TRAPPC4: variants seen among roughly 807,000 people sequenced by gnomAD.
The protein encoded by TRAPPC4 is trafficking protein particle complex subunit 4, also known as TRS23 homolog.
Under a neutral mutation model 23.5 loss-of-function variants are expected in TRAPPC4, and 30 were observed. That is an observed-to-expected ratio of 1.28 (90% CI 0.96 to 1.73). TRAPPC4 has a LOEUF of 1.73. TRAPPC4 is among the 40% of genes most tolerant of loss of function. The pLI, the probability that TRAPPC4 is intolerant of heterozygous loss-of-function variation, is 0.00. For missense variants in TRAPPC4, 252 were observed against 268.9 expected, an observed-to-expected ratio of 0.94 and a Z score of 0.44; for synonymous variants, 129 against 105.3, an observed-to-expected ratio of 1.23 and a Z score of -1.38.
intron 4 of TRAPPC4, 182 bp from the exon 5 acceptor site, chr11:119,023,139 A>T: frequency 2.0e-6 from 1 of 488,428 alleles, no homozygotes; most frequent in Non-Finnish European, 3.8e-6. Flanking sequence ...TAATTTTTGT[A>T]TTTTTAGTAG....
chr11:119,020,237 C>T lies in TRAPPC4; in HGVS notation c.438C>T (p.Cys146=), dbSNP rs1232520581. 1.2e-6 allele frequency: 2 copies of T among 1,612,814 alleles called. No homozygotes were observed. Among genetic ancestry groups the T allele is most frequent in the African/African-American group, 2.7e-5 (2 of 74,894 alleles). ...AGACAGACACATTCAAATTGCACTG[C>T]TACCAGACACTGACAGGTATGCATC... is the stretch of plus-strand genomic sequence containing the variant. ...MLETDTFKLH[C]YQTLTGIKFV... The change falls in exon 3 of 5, where the codon TGC becomes TGT. Residue 146 remains cysteine (C), a synonymous_variant. Coordinates refer to ENST00000533632, the MANE Select transcript of TRAPPC4 (RefSeq NM_016146.6).
In TRAPPC4 at chr11:119,021,797, T is replaced by A; in HGVS notation, c.492T>A (p.Ala164=). The change falls in exon 4 of 5, where the codon GCT becomes GCA. Residue 164 remains alanine, a synonymous_variant. Coordinates refer to ENST00000533632, the MANE Select transcript of TRAPPC4 (RefSeq NM_016146.6). ...TGGTTCTAGCAGATCCTAGGCAAGC[T>A]GGAATAGATTCTCTTCTCCGAAAGA... ...KFVVLADPRQ[A]GIDSLLRKIY... 6.2e-7 allele frequency: 1 copy of A among 1,614,168 alleles called. No individual in the cohort carries two copies. Among genetic ancestry groups the A allele is most frequent in the Non-Finnish European group, 8.5e-7 (1 of 1,180,022 alleles).
intron 3 of TRAPPC4, chr11:119,020,563 C>T (rs1476993243): frequency 2.1e-5 from 5 of 239,452 alleles, no homozygotes; most frequent in South Asian, 5.4e-5. Flanking sequence ...TCACCACACC[C>T]GGCTAATTTT....
At chr11:119,023,055 T>G (rs1274001633) in intron 4 of TRAPPC4, 1 of 241,780 alleles carries the variant, frequency 4.1e-6, no homozygotes, top group South Asian at 6.1e-5. Context: ...ACCTCTGCCT[T>G]CCGGGTTCAG....
Position 119,020,156 on chromosome 11 carries a change from T to C in TRAPPC4, c.357T>C (p.Phe119=). 1 of 1,613,668 alleles carries C rather than the reference T, an allele frequency of 6.2e-7. No homozygotes were observed. Among genetic ancestry groups the C allele is most frequent in the Non-Finnish European group, 8.5e-7 (1 of 1,179,722 alleles). ...LMLASMFHSL[F]AIGSQLSPEQ... The stretch of plus-strand genomic sequence containing the variant: ...TTGCCTCCTTTGCATATAGGCTCTT[T>C]GCCATCGGCTCCCAGCTGTCTCCTG... The change falls in exon 3 of 5, where the codon TTT becomes TTC. Residue 119 remains phenylalanine, a synonymous_variant. Coordinates refer to ENST00000533632, the MANE Select transcript of TRAPPC4 (RefSeq NM_016146.6).
At chr11:119,022,664 C>T (rs187328372) in intron 4 of TRAPPC4, among the ~76,000 whole-genome samples, 3 of 151,866 alleles carry the variant, frequency 2.0e-5, no homozygotes, top group East Asian at 3.9e-4. Context: ...CTGAGGCGGG[C>T]GGATCACTTG....
In TRAPPC4 at chr11:119,019,247, G is replaced by C. The variant is rs1200640105; in HGVS notation, c.280G>C (p.Val94Leu). The C allele has an allele frequency of 4.3e-6, 7 of 1,614,056 alleles. 1 individual carries two copies. Among genetic ancestry groups the C allele is most frequent in the South Asian group, 2.2e-5 (2 of 91,094 alleles). Reference protein sequence around the residue: ...EYLGNPANYPVSIRFGRPRLT... With the variant: ...EYLGNPANYPLSIRFGRPRLT... The stretch of plus-strand genomic sequence containing the variant: ...TCTGGGTAACCCTGCTAATTACCCG[G>C]TGTCCATTCGATTTGGCCGGCCCCG... The change falls in exon 2 of 5, where the codon GTG (valine) becomes CTG (leucine). Residue 94 changes from valine (V) to leucine (L), a missense_variant. Coordinates refer to ENST00000533632, the MANE Select transcript of TRAPPC4 (RefSeq NM_016146.6).
intron 2 of TRAPPC4, chr11:119,019,930 CAA>C: frequency 2.1e-6 from 1 of 467,168 alleles, no homozygotes; most frequent in African/African-American, 2.0e-5. Context: ...TCATTTTACC[CAA>C]AGTTTTAGAT....
Position 119,020,262 on chromosome 11 carries a change from C to T in TRAPPC4, c.454+9C>T, listed in dbSNP as rs1943317022. ...CTACCAGACACTGACAGGTATGCAT[C>T]TCCACGGAGGCCAGAGGAGTGTGAT... On this transcript the variant is annotated intron_variant, in intron 3 of 4. Coordinates refer to ENST00000533632, the MANE Select transcript of TRAPPC4 (RefSeq NM_016146.6). The T allele has an allele frequency of 3.1e-6, 5 of 1,603,432 alleles. No individual in the cohort carries two copies. The highest frequency in any genetic ancestry group is 4.3e-6 in the Non-Finnish European group (5 of 1,172,190).
In TRAPPC4 at chr11:119,018,946, T is replaced by A; in HGVS notation, c.151T>A (p.Phe51Ile). The A allele has an allele frequency of 6.2e-7, 1 of 1,612,996 alleles. No homozygotes were observed. The highest frequency in any genetic ancestry group is 8.5e-7 in the Non-Finnish European group (1 of 1,179,934). ...ACACGATGAGCGTGTGTTGGTTGCTTTCGGCCAGCGGGACGGCATCCGAGG... is the reference window on the plus strand; with the variant it reads ...ACACGATGAGCGTGTGTTGGTTGCTATCGGCCAGCGGGACGGCATCCGAGG... The part of the protein sequence containing the change: ...KLHDERVLVA[F>I]GQRDGIRVGH... The change falls in exon 1 of 5, where the codon TTC becomes ATC. Residue 51 changes from phenylalanine to isoleucine, a missense_variant. Coordinates refer to ENST00000533632, the MANE Select transcript of TRAPPC4 (RefSeq NM_016146.6).
intron 4 of TRAPPC4, among the ~76,000 whole-genome samples, chr11:119,022,483 G>A (rs573584141): frequency 6.6e-6 from 1 of 152,252 alleles, no homozygotes; most frequent in East Asian, 1.9e-4. Context: ...AGCTATTAAG[G>A]AAGCTGAGGC....
In TRAPPC4 at chr11:119,023,616, T is replaced by C. The variant is rs1943461706; in HGVS notation, c.*217T>C. 2.3e-6 allele frequency: 1 copy of C among 427,052 alleles called. No homozygotes were observed. Among genetic ancestry groups the C allele is most frequent in the Non-Finnish European group, 4.2e-6 (1 of 235,678 alleles). The allele number at this position is 427,052 out of a possible 1,614,324, so 26.5% of individuals were successfully genotyped here. ...TTCCAACTCTGTACAGATTTATTTA[T>C]GGAGGAGCTAGGTCCATAAATGTTG... On this transcript the variant is annotated 3_prime_UTR_variant, in exon 5 of 5. Coordinates refer to ENST00000533632, the MANE Select transcript of TRAPPC4 (RefSeq NM_016146.6).
chr11:119,021,556 G>T, intron 3 of TRAPPC4: 3 of 502,648 alleles, frequency 6.0e-6, no homozygotes, highest in Non-Finnish European at 1.0e-5. Context: ...TTAATCAGGT[G>T]GGTGACATAA....
chr11:119,019,556 C>T, intron 2 of TRAPPC4: 1 of 472,784 alleles, frequency 2.1e-6, no homozygotes, highest in Non-Finnish European at 3.8e-6. Flanking sequence ...ATTCTCCTGC[C>T]TCAGCCTCCC....
intron 1 of TRAPPC4, 64 bp from the exon 2 acceptor site, chr11:119,019,079 C>T: frequency 1.3e-6 from 2 of 1,593,960 alleles, no homozygotes; most frequent in South Asian, 1.1e-5. Flanking sequence ...TGTGTCGGGT[C>T]CCTTGTCCCC....
intron 2 of TRAPPC4, 81 bp downstream of exon 2, chr11:119,019,398 C>T (rs1156876354): frequency 7.6e-6 from 11 of 1,438,842 alleles, no homozygotes; most frequent in East Asian, 2.3e-5. Context: ...TTATGAAAAA[C>T]GCAACCGATC....
rs71048033 is a variant in TRAPPC4 at position 119,022,957 on chromosome 11, G to GTTTTTTTTTTTTTTTTTTTTTTTTTTTT, written c.582-341_582-340insTTTTTTTTTTTTTTTTTTTTTTTTTTTT. 2 of 85,500 alleles carry GTTTTTTTTTTTTTTTTTTTTTTTTTTTT rather than the reference G, an allele frequency of 2.3e-5. 1 individual carries two copies. The allele number at this position is 85,500 out of a possible 1,614,324, so 5.3% of individuals were successfully genotyped here. ...TGTTTGTGGGGTTTTTTTTGTTGAT[G>GTTTTTTTTTTTTTTTTTTTTTTTTTTTT]TTTTTTTTTTTTTTTTTTTTTTTGA... On this transcript the variant is annotated intron_variant, in intron 4 of 4. Coordinates refer to ENST00000533632, the MANE Select transcript of TRAPPC4 (RefSeq NM_016146.6).
chr11:119,019,375 C>G (rs4938619), intron 2 of TRAPPC4, 58 bp downstream of exon 2: 8 of 1,553,892 alleles, frequency 5.1e-6, no homozygotes, highest in East Asian at 4.5e-5. Flanking sequence ...TTTCTTAAAT[C>G]GTCGTTCTGG....
chr11:119,020,454 C>A (rs1413981610), intron 3 of TRAPPC4: 9 of 498,852 alleles, frequency 1.8e-5, no homozygotes, highest in Non-Finnish European at 2.9e-5. Flanking sequence ...ATGTTTCACT[C>A]TTGTTGCCCA....
Sources: gnomAD v4.1 joint callset for allele counts (sites outside exome capture counted in the v4.1 genomes callset) on GRCh38, gnomAD v4.1.1 for gene constraint, MANE v1.5 for transcripts, NCBI Gene and HGNC (gene_info 2026-07-23, HGNC 2026-07-21) for gene names.